The following KIF1C variants were observed in gnomAD, a reference collection of about 807,000 sequenced individuals.
The protein encoded by KIF1C is kinesin-like protein KIF1C.
A neutral mutation model predicts 126.5 loss-of-function variants in KIF1C; 61 were observed. The ratio of observed to expected loss-of-function variants is 0.48; its 90% CI spans 0.39 to 0.60. The LOEUF (loss-of-function observed/expected upper bound fraction) is 0.60, where lower values mean the gene tolerates loss of function less well. Among genes scored for constraint, KIF1C ranks in the 20% least tolerant of loss-of-function variants. The probability of loss-of-function intolerance (pLI) is 0.00; values close to 1 mark genes in which losing one functional copy is unlikely to be tolerated. For missense variants in KIF1C, 1,315 were observed against 1,489.2 expected (o/e 0.88, Z 1.93); for synonymous variants, 640 against 580.6 (o/e 1.10, Z -1.47).
At chr17:5,013,432 T>TCC (rs1974908079) in intron 16 of KIF1C, among the ~76,000 whole-genome samples, 7 of 152,028 alleles carry the variant, frequency 4.6e-5, no homozygotes, top group Admixed American at 4.6e-4. Flanking sequence ...TGGATCAGGC[T>TCC]GTCCTGAAGG....
intron 8 of KIF1C, 152 bp from the exon 9 acceptor site, chr17:5,003,460 A>C: frequency 3.3e-6 from 2 of 602,878 alleles, no homozygotes; most frequent in Admixed American, 3.0e-5. Context: ...CACTGTTGTC[A>C]CGTATTCTGT....
intron 12 of KIF1C, 25 bp downstream of exon 12, chr17:5,004,670 A>T: frequency 6.2e-7 from 1 of 1,610,514 alleles, no homozygotes; most frequent in Non-Finnish European, 8.5e-7. Flanking sequence ...TCTAGCAGGG[A>T]TGGGGCAGCA....
chr17:5,013,785 G>T, intron 17 of KIF1C, 53 bp downstream of exon 17: 2 of 1,416,180 alleles, frequency 1.4e-6, no homozygotes, highest in Non-Finnish European at 2.0e-6. Flanking sequence ...GGGTGTGGCT[G>T]CCAAGGGTTG....
At chr17:5,012,705 AG>A (rs1247083451) in intron 16 of KIF1C, among the ~76,000 whole-genome samples, 1 of 151,968 alleles carries the variant, frequency 6.6e-6, no homozygotes, top group East Asian at 1.9e-4. Context: ...GGTGGTGCCG[AG>A]GGATGGAGAG....
rs1974574031 is a variant in KIF1C, at chr17:5,000,932, A to G, written c.183+84A>G. On this transcript the variant is annotated intron_variant, in intron 4 of 22. Coordinates refer to ENST00000320785, the MANE Select transcript of KIF1C (RefSeq NM_006612.6). ...GGGAGGGGACATGTTAAGAAATAGGACCCCCAGGGGATTAGTCAGGGTGAA... is the reference window on the plus strand; with the variant it reads ...GGGAGGGGACATGTTAAGAAATAGGGCCCCCAGGGGATTAGTCAGGGTGAA... The G allele has an allele frequency of 3.0e-6, 4 of 1,336,724 alleles. No individual in the cohort carries two copies. The Admixed American group carries it at 6.8e-5, about 23-fold the overall frequency. The allele number at this position is 1,336,724 out of a possible 1,614,324, so 82.8% of individuals were successfully genotyped here.
At chr17:5,018,159 T>C (rs1975017036) in intron 18 of KIF1C, among the ~76,000 whole-genome samples, 1 of 151,674 alleles carries the variant, frequency 6.6e-6, no homozygotes, top group Admixed American at 6.6e-5. Flanking sequence ...TTTTGTACTT[T>C]TCGTACAGAC....
At chr17:5,004,192 C>A in intron 11 of KIF1C, 119 bp downstream of exon 11, 1 of 803,300 alleles carries the variant, frequency 1.2e-6, no homozygotes. Flanking sequence ...TACTTCTCCC[C>A]CTGACCCTTC....
intron 1 of KIF1C, among the ~76,000 whole-genome samples, chr17:4,999,265 G>A (rs1221048875): frequency 6.6e-6 from 1 of 152,228 alleles, no homozygotes; most frequent in Non-Finnish European, 1.5e-5. Context: ...CTGGTGCATG[G>A]AGGTTGTGGG....
At chr17:5,021,152 G>A (rs1184392024) in intron 21 of KIF1C, among the ~76,000 whole-genome samples, 1 of 145,792 alleles carries the variant, frequency 6.9e-6, no homozygotes, top group African/African-American at 2.5e-5. Flanking sequence ...ACCTGTGTTG[G>A]TATTAAGATT....
chr17:5,015,457 G>A (rs965362052), intron 18 of KIF1C, among the ~76,000 whole-genome samples: 5 of 150,868 alleles, frequency 3.3e-5, no homozygotes, highest in African/African-American at 1.2e-4. Flanking sequence ...CTAATTTTGT[G>A]TTTTTAGTAG....
rs960855611 is a variant in KIF1C at position 5,020,434 on chromosome 17, A to G, written c.1751-58A>G. On this transcript the variant is annotated intron_variant, in intron 19 of 22. Coordinates refer to ENST00000320785, the MANE Select transcript of KIF1C (RefSeq NM_006612.6). This position sits in a 1 kb window ranked among gnomAD's most constrained non-coding sequence, Gnocchi z 5.8. ...GCCAGATTCTCTATGCCTTGGGTGT[A>G]GGGATGGATTTGGTGCTGATGGGAA... 2.7e-6 allele frequency: 4 copies of G among 1,502,040 alleles called. No homozygotes were observed. The highest frequency in any genetic ancestry group is 3.6e-6 in the Non-Finnish European group (4 of 1,101,794). The allele number at this position is 1,502,040 out of a possible 1,614,324, so 93.0% of individuals were successfully genotyped here.
rs893492951 is a variant in KIF1C, at chr17:5,026,728, G to T, written c.*2577G>T. The T allele has an allele frequency of 7.8e-6, 1 of 127,802 alleles. No homozygotes were observed. Among genetic ancestry groups the T allele is most frequent in the Non-Finnish European group, 1.6e-5 (1 of 62,262 alleles). 7.9% of individuals were successfully genotyped at this position (127,802 alleles called of 1,614,324 possible). On this transcript the variant is annotated 3_prime_UTR_variant, in exon 23 of 23. Coordinates refer to ENST00000320785, the MANE Select transcript of KIF1C (RefSeq NM_006612.6). ...CCACAGCACTCTGGCCTGGGCAAGA[G>T]TGGGACTCTCTCAAAAAAAAAAAAA...
intron 16 of KIF1C, among the ~76,000 whole-genome samples, 163 bp from the exon 17 acceptor site, chr17:5,013,490 G>T (rs962464142): frequency 6.6e-6 from 1 of 152,112 alleles, no homozygotes; most frequent in African/African-American, 2.4e-5. Flanking sequence ...GGGGTGGAGG[G>T]ATGACGATGG....
chr17:5,000,993 C>G, intron 4 of KIF1C, 145 bp downstream of exon 4: 1 of 961,968 alleles, frequency 1.0e-6, no homozygotes. Context: ...TGGTAGGACC[C>G]TTAGGCTGTG....
chr17:5,001,475 G>A (rs1974591575), intron 5 of KIF1C, 74 bp downstream of exon 5: 3 of 1,429,666 alleles, frequency 2.1e-6, no homozygotes, highest in Non-Finnish European at 2.9e-6. Flanking sequence ...AAGGACTAGG[G>A]TCGGAGGATT....
At position 5,001,202 on chromosome 17, in the gene KIF1C, C is replaced by G. The variant is rs1010628770; in HGVS notation, c.184-20C>G. ...ACATCCAGGGTTACTCTGTTTTTCT[C>G]TGCCCCCACTTTCTCCTAGACGGAG... On this transcript the variant is annotated intron_variant, in intron 4 of 22. Transcript: ENST00000320785. The G allele has an allele frequency of 1.2e-5, 19 of 1,612,470 alleles. No individual in the cohort carries two copies. The highest frequency in any genetic ancestry group is 1.4e-5 in the Non-Finnish European group (17 of 1,179,000).
In KIF1C at chr17:5,023,210, G is replaced by A. The variant is rs1975130121; in HGVS notation, c.2629-258G>A. On this transcript the variant is annotated intron_variant, in intron 22 of 22. Coordinates refer to ENST00000320785, the MANE Select transcript of KIF1C (RefSeq NM_006612.6). The surrounding 1 kb of genome is among the most constrained non-coding windows in gnomAD (Gnocchi z 4.2). The stretch of plus-strand genomic sequence containing the variant: ...TTTTTTTTTGTATTTTAGTAGAGAC[G>A]GGGTTTCACCATGTTGGCCAGGATG... Among the ~76,000 whole-genome samples the A allele has an allele frequency of 1.3e-5, 2 of 151,824 alleles. No individual in the cohort carries two copies. Among genetic ancestry groups the A allele is most frequent in the Admixed American group, 6.6e-5 (1 of 15,248 alleles).
intron 1 of KIF1C, among the ~76,000 whole-genome samples, chr17:4,998,535 G>A (rs1974458709): frequency 1.3e-5 from 2 of 152,224 alleles, no homozygotes; most frequent in Middle Eastern, 3.4e-3. Context: ...CCCTTACCCC[G>A]CTGGCCCCCA....
chr17:5,020,701 C>T lies in KIF1C; in HGVS notation c.1937+23C>T. ...GAGGTGCGAGGGGGTTACCCACGTG[C>T]CCCATGGCCGTCTAGGCCGTCCCTC... is the stretch of plus-strand genomic sequence containing the variant. On this transcript the variant is annotated intron_variant, in intron 20 of 22. Transcript: ENST00000320785. The surrounding 1 kb of genome is among the most constrained non-coding windows in gnomAD (Gnocchi z 5.8). 1.2e-6 allele frequency: 2 copies of T among 1,611,588 alleles called. No individual in the cohort carries two copies. The highest frequency in any genetic ancestry group is 2.2e-5 in the East Asian group (1 of 44,830).
Sources: allele counts gnomAD v4.1 joint callset (sites outside exome capture counted in the v4.1 genomes callset), GRCh38; gene constraint gnomAD v4.1.1; non-coding constraint Gnocchi (gnomAD v3.1); transcripts MANE v1.5; gene names NCBI Gene and HGNC (gene_info 2026-07-23, HGNC 2026-07-21).